GPC6: variants seen among roughly 807,000 people sequenced by gnomAD.
GPC6 encodes the protein glypican 6, also known as glypican-6.
A neutral mutation model predicts 55.2 loss-of-function variants in GPC6; 14 were observed. That is an observed-to-expected ratio of 0.25 (90% CI 0.17 to 0.40). GPC6 has a LOEUF of 0.40. Among genes scored for constraint, GPC6 ranks in the 10% least tolerant of loss-of-function variants. The pLI is 1.00. For missense variants in GPC6, 641 were observed against 708.5 expected (o/e 0.90, Z 1.08); for synonymous variants, 278 against 259.6 (o/e 1.07, Z -0.68).
chr13:94,366,867 C>G (rs1351450354), intron 6 of GPC6, among the ~76,000 whole-genome samples: 1 of 152,236 alleles, frequency 6.6e-6, no homozygotes, highest in Non-Finnish European at 1.5e-5. Context: ...CAGAGAAAAA[C>G]AGAATCCACT....
intron 3 of GPC6, among the ~76,000 whole-genome samples, chr13:93,998,782 A>G (rs1384421931): frequency 6.6e-6 from 1 of 152,108 alleles, no homozygotes; most frequent in African/African-American, 2.4e-5. Flanking sequence ...ATATATATAT[A>G]ATGGAATGGC....
chr13:93,498,498 G>A (rs756460595), intron 1 of GPC6, among the ~76,000 whole-genome samples: 4 of 152,176 alleles, frequency 2.6e-5, no homozygotes, highest in Non-Finnish European at 5.9e-5. Flanking sequence ...CCCATGTGTT[G>A]TGGGAGGAAT....
intron 6 of GPC6, among the ~76,000 whole-genome samples, chr13:94,334,666 G>A (rs1027485914): frequency 1.2e-4 from 18 of 152,132 alleles, no homozygotes; most frequent in African/African-American, 4.3e-4. Context: ...AGCCCTCCAG[G>A]TGGTGCCAAA....
chr13:93,615,494 C>A (rs577208891), intron 2 of GPC6, among the ~76,000 whole-genome samples: 6 of 152,132 alleles, frequency 3.9e-5, no homozygotes, highest in Non-Finnish European at 8.8e-5. Context: ...ATCTATCATG[C>A]CTTTTCCTCC....
intron 7 of GPC6, among the ~76,000 whole-genome samples, chr13:94,386,215 C>T (rs1358738655): frequency 6.6e-6 from 1 of 152,044 alleles, no homozygotes; most frequent in Non-Finnish European, 1.5e-5. Context: ...AAAAAATTAG[C>T]TGGGTGTGGT....
intron 4 of GPC6, among the ~76,000 whole-genome samples, chr13:94,251,097 A>G (rs760852235): frequency 7.2e-5 from 11 of 152,274 alleles, no homozygotes; most frequent in Admixed American, 2.0e-4. Context: ...GAAATGTGGT[A>G]CATATACACC....
chr13:94,280,189 T>G (rs1300540811), intron 4 of GPC6, among the ~76,000 whole-genome samples: 2 of 152,188 alleles, frequency 1.3e-5, no homozygotes, highest in African/African-American at 4.8e-5. Context: ...CCTTTACCAT[T>G]ATGTAATGCA....
intron 4 of GPC6, among the ~76,000 whole-genome samples, chr13:94,057,357 C>A (rs1488017664): frequency 2.6e-5 from 4 of 152,208 alleles, no homozygotes; most frequent in Non-Finnish European, 5.9e-5. Context: ...ATTATTGAAA[C>A]CTTAATTTTA....
intron 6 of GPC6, among the ~76,000 whole-genome samples, chr13:94,320,557 C>T (rs900849219): frequency 2.0e-5 from 3 of 152,072 alleles, no homozygotes; most frequent in East Asian, 1.9e-4. Flanking sequence ...CCCTTGGGAA[C>T]CCCGGCTGTA....
At chr13:93,927,687 GAAAA>G (rs10592821) in intron 3 of GPC6, among the ~76,000 whole-genome samples, 52 of 135,430 alleles carry the variant, frequency 3.8e-4, no homozygotes, top group Non-Finnish European at 7.4e-4. Context: ...CCTTCTTTGT[GAAAA>G]AAAAAAAAAA....
At chr13:93,407,281 A>G (rs1048010368) in intron 1 of GPC6, among the ~76,000 whole-genome samples, 1 of 152,106 alleles carries the variant, frequency 6.6e-6, no homozygotes. Flanking sequence ...GAGAGAGAGA[A>G]AAAAGCAAAT....
rs557265905 is a variant in GPC6, at chr13:93,683,728, C to T, written c.319+138307C>T. Among the ~76,000 whole-genome samples the T allele has an allele frequency of 9.2e-5, 14 of 152,272 alleles. No individual in the cohort carries two copies. In the East Asian group the frequency reaches 2.7e-3, roughly 29 times the overall value. ...TCTTCTTTGTAGATGAATGCTTTTA[C>T]ATCTTGAAACCTTAATTATTGTGGT... On this transcript the variant is annotated intron_variant, in intron 2 of 8. Transcript: ENST00000377047.
intron 1 of GPC6, among the ~76,000 whole-genome samples, chr13:93,252,442 A>G (rs994313454): frequency 2.0e-5 from 3 of 152,228 alleles, no homozygotes; most frequent in Non-Finnish European, 4.4e-5. Flanking sequence ...CACACTCGTG[A>G]CAATGCTGAT....
intron 2 of GPC6, among the ~76,000 whole-genome samples, chr13:93,689,751 A>T (rs532880084): frequency 6.6e-6 from 1 of 152,224 alleles, no homozygotes; most frequent in South Asian, 2.1e-4. Context: ...CCCTGTTTCT[A>T]ATTTGCAGCA....
chr13:94,271,368 GCGCGCGCGCGCGCGCACACACACACA>G lies in GPC6; in HGVS notation c.878-14979_878-14954del, dbSNP rs1394609858. Among the ~76,000 whole-genome samples, 521 of 88,896 alleles carry G rather than the reference GCGCGCGCGCGCGCGCACACACACACA, an allele frequency of 5.9e-3. 4 individuals are homozygous for G. Among genetic ancestry groups the G allele is most frequent in the Non-Finnish European group, 8.4e-3 (366 of 43,752 alleles). The allele number at this position is 88,896 out of a possible 152,430, so 58.3% of individuals were successfully genotyped here. The stretch of plus-strand genomic sequence containing the variant: ...ACACTTGTTAAATACACACACACAC[GCGCGCGCGCGCGCGCACACACACACA>G]CACACACACACACACTCCATCATGC... On this transcript the variant is annotated intron_variant, in intron 4 of 8. Transcript: ENST00000377047.
At chr13:94,304,106 G>C (rs2139109036) in intron 5 of GPC6, among the ~76,000 whole-genome samples, 1 of 152,350 alleles carries the variant, frequency 6.6e-6, no homozygotes, top group South Asian at 2.1e-4. Flanking sequence ...CCTTGCCAGA[G>C]GGAAGTGATT....
intron 2 of GPC6, among the ~76,000 whole-genome samples, chr13:93,660,530 A>G (rs564775698): frequency 6.6e-6 from 1 of 152,222 alleles, no homozygotes; most frequent in East Asian, 1.9e-4. Flanking sequence ...TAAAAAAATC[A>G]TGGACCTATG....
At chr13:93,850,466 A>T (rs949353580) in intron 3 of GPC6, among the ~76,000 whole-genome samples, 5 of 151,990 alleles carry the variant, frequency 3.3e-5, no homozygotes, top group African/African-American at 1.2e-4. Context: ...TTTTATATCA[A>T]CAGAAGCATA....
chr13:93,358,107 G>A (rs1307934112), intron 1 of GPC6, among the ~76,000 whole-genome samples: 1 of 152,116 alleles, frequency 6.6e-6, no homozygotes, highest in Non-Finnish European at 1.5e-5. Flanking sequence ...AGCATTTTGG[G>A]AGGCCAAGGC....
Sources: gnomAD v4.1 joint callset for allele counts (sites outside exome capture counted in the v4.1 genomes callset) on GRCh38, gnomAD v4.1.1 for gene constraint, MANE v1.5 for transcripts, NCBI Gene and HGNC (gene_info 2026-07-23, HGNC 2026-07-21) for gene names.